The following CNTFR variants were observed in gnomAD, a reference collection of about 807,000 sequenced individuals.
CNTFR encodes ciliary neurotrophic factor receptor, also known as ciliary neurotrophic factor receptor subunit alpha.
A neutral mutation model predicts 40.4 loss-of-function variants in CNTFR; 12 were observed. The ratio of observed to expected loss-of-function variants is 0.30; its 90% confidence interval spans 0.19 to 0.48. CNTFR has a LOEUF of 0.48. CNTFR is among the 20% of genes least tolerant of loss of function. CNTFR has a pLI of 0.99. For missense variants in CNTFR, 414 were observed against 506.8 expected (o/e 0.82, Z 1.76); for synonymous variants, 202 against 209.6 (o/e 0.96, Z 0.31).
intron 2 of CNTFR, among the ~76,000 whole-genome samples, chr9:34,570,638 A>G (rs1034297969): frequency 1.3e-5 from 2 of 152,172 alleles, no homozygotes; most frequent in African/African-American, 2.4e-5. Context: ...TGCCAGAGAC[A>G]CTGTCAGACA....
chr9:34,577,920 G>GAGGCGGGCT lies in CNTFR; in HGVS notation c.-1+3166_-1+3174dup, dbSNP rs1329823743. On this transcript the variant is annotated intron_variant, in intron 2 of 9. Coordinates refer to ENST00000378980, the MANE Select transcript of CNTFR (RefSeq NM_147164.3). ...GGCCGAGAAAGGAGCGGGAAGCGCC[G>GAGGCGGGCT]AGGCGGGCTGGGCGGGCTGGCGGGC... Among the ~76,000 whole-genome samples the GAGGCGGGCT allele has an allele frequency of 2.3e-4, 35 of 151,288 alleles. No individual in the cohort carries two copies. In the East Asian group the frequency reaches 5.8e-3, roughly 25 times the overall value.
At chr9:34,586,695 A>G (rs1334327905) in intron 1 of CNTFR, among the ~76,000 whole-genome samples, 1 of 152,164 alleles carries the variant, frequency 6.6e-6, no homozygotes, top group African/African-American at 2.4e-5. Context: ...TGTACCAACA[A>G]TCCACTCAGA....
At chr9:34,574,987 T>C (rs1826883056) in intron 2 of CNTFR, among the ~76,000 whole-genome samples, 1 of 152,174 alleles carries the variant, frequency 6.6e-6, no homozygotes. Flanking sequence ...GCATGCTGCC[T>C]GGTGACCTGG....
intron 7 of CNTFR, 57 bp downstream of exon 7, chr9:34,556,198 T>C: frequency 6.4e-7 from 1 of 1,559,834 alleles, no homozygotes; most frequent in East Asian, 2.3e-5. Flanking sequence ...TGGGTGCCAC[T>C]CACTGCACAT....
intron 2 of CNTFR, among the ~76,000 whole-genome samples, chr9:34,571,899 G>T (rs1262479222): frequency 6.6e-6 from 1 of 152,072 alleles, no homozygotes; most frequent in Non-Finnish European, 1.5e-5. Context: ...CAGGGGAAAA[G>T]ATGGGGCATA....
At chr9:34,580,581 C>T (rs936914046) in intron 2 of CNTFR, among the ~76,000 whole-genome samples, 12 of 152,214 alleles carry the variant, frequency 7.9e-5, no homozygotes, top group African/African-American at 2.9e-4. Flanking sequence ...CCGTTCCGCT[C>T]CAGTGCCTCG....
intron 3 of CNTFR, among the ~76,000 whole-genome samples, chr9:34,567,010 A>T (rs1242284377): frequency 6.6e-6 from 1 of 152,210 alleles, no homozygotes; most frequent in Non-Finnish European, 1.5e-5. Context: ...ACAAGCACAC[A>T]GTGTCACAAC....
chr9:34,552,386 G>A lies in CNTFR; in HGVS notation c.950-57C>T. 1 of 1,479,888 alleles carries A rather than the reference G, an allele frequency of 6.8e-7. No individual in the cohort carries two copies. Among genetic ancestry groups the A allele is most frequent in the Non-Finnish European group, 9.0e-7 (1 of 1,108,902 alleles). The allele number at this position is 1,479,888 out of a possible 1,614,324, so 91.7% of individuals were successfully genotyped here. A position where few individuals can be genotyped will look rare whatever the true frequency, so the allele number is the denominator to read the frequency against. On this transcript the variant is annotated intron_variant, in intron 8 of 9. Transcript: ENST00000378980. This position sits in a 1 kb window ranked among gnomAD's most constrained non-coding sequence, Gnocchi z 5.1. ...CCAGGGCTGGGTCCCATCCAGATCTGGGGGCTCATGAGACATACCATTCTG... is the reference window on the plus strand; with the variant it reads ...CCAGGGCTGGGTCCCATCCAGATCTAGGGGCTCATGAGACATACCATTCTG...
intron 2 of CNTFR, among the ~76,000 whole-genome samples, chr9:34,579,428 AGAGATT>A (rs1213340416): frequency 6.6e-6 from 1 of 152,136 alleles, no homozygotes; most frequent in Non-Finnish European, 1.5e-5. Context: ...GTGGAGAGAC[AGAGATT>A]GAGACAGGCT....
At chr9:34,563,512 T>G (rs1312525112) in intron 4 of CNTFR, among the ~76,000 whole-genome samples, 1 of 152,256 alleles carries the variant, frequency 6.6e-6, no homozygotes, top group African/African-American at 2.4e-5. Flanking sequence ...TAACTTCCTT[T>G]TTGTGTGTCA....
chr9:34,565,211 C>T (rs1443381376), intron 3 of CNTFR, among the ~76,000 whole-genome samples: 3 of 152,138 alleles, frequency 2.0e-5, no homozygotes, highest in Non-Finnish European at 2.9e-5. Context: ...CCCCATGACC[C>T]GGATCTCTTG....
intron 2 of CNTFR, among the ~76,000 whole-genome samples, chr9:34,577,161 C>G (rs939198684): frequency 6.6e-6 from 1 of 152,214 alleles, no homozygotes; most frequent in African/African-American, 2.4e-5. Context: ...GACGCGGAGT[C>G]GCTGTCCAGT....
At chr9:34,566,166 C>G (rs1826281208) in intron 3 of CNTFR, among the ~76,000 whole-genome samples, 1 of 152,110 alleles carries the variant, frequency 6.6e-6, no homozygotes, top group Non-Finnish European at 1.5e-5. Context: ...CATTGCAGCC[C>G]CCTCCTCAGC....
At position 34,552,058 on chromosome 9, in the gene CNTFR, T is replaced by C. The variant is rs1397244983; in HGVS notation, c.*13A>G. The C allele has an allele frequency of 2.1e-6, 3 of 1,437,410 alleles. No individual in the cohort carries two copies. Among genetic ancestry groups the C allele is most frequent in the African/African-American group, 1.4e-5 (1 of 71,586 alleles). The allele number at this position is 1,437,410 out of a possible 1,614,324, so 89.0% of individuals were successfully genotyped here. A position where few individuals can be genotyped will look rare whatever the true frequency, so the allele number is the denominator to read the frequency against. On this transcript the variant is annotated 3_prime_UTR_variant, in exon 10 of 10. Transcript: ENST00000378980. The surrounding 1 kb of genome is among the most constrained non-coding windows in gnomAD (Gnocchi z 5.1). ...TCTGCAGGTGCTCTGCATGTCCTCA[T>C]GGGGTGCCGGGCTCTGTAGAGACAG...
At chr9:34,561,868 T>C (rs948033163) in intron 4 of CNTFR, among the ~76,000 whole-genome samples, 1 of 152,182 alleles carries the variant, frequency 6.6e-6, no homozygotes, top group Non-Finnish European at 1.5e-5. Flanking sequence ...AATAATGCAA[T>C]GAGAGATAAG....
rs887959087 is a variant in CNTFR, at chr9:34,557,194, G to GT, written c.604+331_604+332insA. On this transcript the variant is annotated intron_variant, in intron 6 of 9. Coordinates refer to ENST00000378980, the MANE Select transcript of CNTFR (RefSeq NM_147164.3). This position sits in a 1 kb window ranked among gnomAD's most constrained non-coding sequence, Gnocchi z 4.2. Reference sequence around the variant, plus strand: ...GTCCGTAAGGAAGCCATTAGAGTTGGGGGGGGGTGCGGTGGAGGCTGCAGC... The same window carrying GT: ...GTCCGTAAGGAAGCCATTAGAGTTGGTGGGGGGGTGCGGTGGAGGCTGCAGC... 2.6e-5 allele frequency among the ~76,000 whole-genome samples: 4 copies of GT among 151,310 alleles called. No individual in the cohort carries two copies. Among genetic ancestry groups the GT allele is most frequent in the Non-Finnish European group, 5.9e-5 (4 of 67,706 alleles).
chr9:34,574,795 T>G (rs1189538429), intron 2 of CNTFR, among the ~76,000 whole-genome samples: 1 of 152,202 alleles, frequency 6.6e-6, no homozygotes, highest in Admixed American at 6.5e-5. Context: ...CCCAGCCTCT[T>G]GCACCGTGGG....
intron 2 of CNTFR, among the ~76,000 whole-genome samples, chr9:34,576,514 G>C (rs1277280724): frequency 6.6e-6 from 1 of 152,220 alleles, no homozygotes; most frequent in African/African-American, 2.4e-5. Flanking sequence ...CCGTGCCTGA[G>C]GGGAGGGACA....
chr9:34,560,127 G>T (rs974176372), intron 4 of CNTFR, among the ~76,000 whole-genome samples: 28 of 152,242 alleles, frequency 1.8e-4, no homozygotes, highest in African/African-American at 6.8e-4. Context: ...AAAAACAAAA[G>T]GAAGAAAAGG....
Sources: gnomAD v4.1 joint callset for allele counts (sites outside exome capture counted in the v4.1 genomes callset) on GRCh38, gnomAD v4.1.1 for gene constraint, Gnocchi (gnomAD v3.1) non-coding constraint, MANE v1.5 for transcripts, NCBI Gene and HGNC (gene_info 2026-07-23, HGNC 2026-07-21) for gene names.